Variants in FRYL observed in about 807,000 individuals in gnomAD.
FRYL encodes protein furry homolog-like.
A neutral mutation model predicts 351.2 loss-of-function variants in FRYL; 150 were observed. The ratio of observed to expected loss-of-function variants is 0.43; its 90% CI spans 0.37 to 0.49. FRYL has a LOEUF of 0.49. Ranked by LOEUF, FRYL falls within the 20% of genes least tolerant of loss-of-function variation. The pLI is 0.00. For synonymous variants in FRYL, 1,153 were observed against 1,257.1 expected (o/e 0.92, Z 1.75); for missense variants, 3,036 against 3,619.3 (o/e 0.84, Z 4.13).
chr4:48,655,324 T>C lies in FRYL; in HGVS notation c.-80-20834A>G, dbSNP rs539225536. On this transcript the variant is annotated intron_variant, in intron 3 of 63. Transcript: ENST00000358350. Reference sequence around the variant, plus strand: ...ACCATAATACCACAATACTGTTGTTTGGATACATCGCGATTAGAGACATCT... The same window carrying C: ...ACCATAATACCACAATACTGTTGTTCGGATACATCGCGATTAGAGACATCT... Among the ~76,000 whole-genome samples the C allele has an allele frequency of 2.6e-5, 4 of 152,240 alleles. No homozygotes were observed. In the South Asian group the frequency reaches 8.3e-4, roughly 32 times the overall value.
chr4:48,759,232 A>G (rs1379689794), intron 1 of FRYL, among the ~76,000 whole-genome samples: 1 of 152,194 alleles, frequency 6.6e-6, no homozygotes, highest in Non-Finnish European at 1.5e-5. Context: ...AAGTATAATA[A>G]TAATAAAAAA....
chr4:48,713,690 C>T (rs965588168), intron 1 of FRYL, among the ~76,000 whole-genome samples: 3 of 152,116 alleles, frequency 2.0e-5, no homozygotes, highest in African/African-American at 7.2e-5. Context: ...TAACACCCCA[C>T]TGTCAACATT....
At chr4:48,674,494 T>C (rs752976369) in intron 3 of FRYL, among the ~76,000 whole-genome samples, 3 of 151,870 alleles carry the variant, frequency 2.0e-5, no homozygotes, top group African/African-American at 2.4e-5. Flanking sequence ...AATTGCAACA[T>C]AGGGAGGCCA....
At chr4:48,710,815 G>T (rs1474072) in intron 1 of FRYL, 117 bp from the exon 2 acceptor site, 381,391 of 383,538 alleles carry the variant, frequency 0.99, 189,659 homozygotes, top group East Asian at 1. Context: ...CCTCAAAGGT[G>T]AAACATCATC....
chr4:48,718,689 T>C (rs1365202405), intron 1 of FRYL, among the ~76,000 whole-genome samples: 1 of 151,522 alleles, frequency 6.6e-6, no homozygotes, highest in Non-Finnish European at 1.5e-5. Context: ...GGTTGCCCAA[T>C]GTCAACCCTT....
intron 23 of FRYL, among the ~76,000 whole-genome samples, chr4:48,576,545 A>G (rs1739653262): frequency 6.6e-6 from 1 of 152,122 alleles, no homozygotes; most frequent in Admixed American, 6.6e-5. Context: ...AGCTCAGATG[A>G]TCTACCTGCC....
intron 3 of FRYL, among the ~76,000 whole-genome samples, chr4:48,658,391 G>C (rs1759693433): frequency 6.6e-6 from 1 of 151,910 alleles, no homozygotes; most frequent in African/African-American, 2.4e-5. Flanking sequence ...AGCCCCCACA[G>C]ATTTCAGCTT....
At chr4:48,763,910 T>C (rs1390791467) in intron 1 of FRYL, among the ~76,000 whole-genome samples, 1 of 152,198 alleles carries the variant, frequency 6.6e-6, no homozygotes, top group Non-Finnish European at 1.5e-5. Flanking sequence ...GGCTCACATC[T>C]GTAATCCCAG....
At chr4:48,711,181 T>C (rs1405598324) in intron 1 of FRYL, among the ~76,000 whole-genome samples, 3 of 152,130 alleles carry the variant, frequency 2.0e-5, no homozygotes, top group African/African-American at 4.8e-5. Context: ...AGGTACTGGG[T>C]TCATCTCACT....
At chr4:48,673,421 G>C (rs80227248) in intron 3 of FRYL, among the ~76,000 whole-genome samples, 2,462 of 152,064 alleles carry the variant, frequency 0.016, 21 homozygotes, top group Non-Finnish European at 0.022. Context: ...ATGCTGCCCA[G>C]GCTGGAATGC....
intron 36 of FRYL, among the ~76,000 whole-genome samples, chr4:48,552,654 A>G (rs552410721): frequency 2.0e-5 from 3 of 152,326 alleles, no homozygotes; most frequent in Admixed American, 2.0e-4. Flanking sequence ...AAACTTTAGA[A>G]TTAAAAACAT....
At chr4:48,740,504 A>G (rs1208586764) in intron 1 of FRYL, among the ~76,000 whole-genome samples, 1 of 152,022 alleles carries the variant, frequency 6.6e-6, no homozygotes, top group Admixed American at 6.6e-5. Context: ...CATGTTAGCC[A>G]GGCTGGTCTC....
chr4:48,616,220 T>TA (rs771644187), intron 7 of FRYL, among the ~76,000 whole-genome samples: 3,207 of 139,372 alleles, frequency 0.023, 109 homozygotes, highest in African/African-American at 0.077. Flanking sequence ...AGTATAATAA[T>TA]AAAAAAAAAA....
chr4:48,576,351 G>C (rs1449270112), intron 23 of FRYL, 129 bp from the exon 24 acceptor site: 1 of 662,948 alleles, frequency 1.5e-6, no homozygotes, highest in African/African-American at 1.9e-5. Context: ...ACCCAGGCCG[G>C]AGTGCAACTG....
chr4:48,678,982 G>A (rs1560847697), intron 3 of FRYL, among the ~76,000 whole-genome samples: 1 of 151,926 alleles, frequency 6.6e-6, no homozygotes, highest in Non-Finnish European at 1.5e-5. Flanking sequence ...TAAAAGTAAG[G>A]AGCCATATAA....
Position 48,567,553 on chromosome 4 carries a change from G to A in FRYL, c.2997-133C>T, listed in dbSNP as rs1392662422. On this transcript the variant is annotated intron_variant, in intron 27 of 63. Coordinates refer to ENST00000358350, the MANE Select transcript of FRYL (RefSeq NM_015030.2). The surrounding 1 kb of genome is among the most constrained non-coding windows in gnomAD (Gnocchi z 4.2). ...CATGGCAGCACGCAACTTAATATAT[G>A]AAAATTAAATGAATATGATTTTGCT... 1 of 594,164 alleles carries A rather than the reference G, an allele frequency of 1.7e-6. No individual in the cohort carries two copies. The highest frequency in any genetic ancestry group is 1.9e-5 in the African/African-American group (1 of 52,030). 36.8% of individuals were successfully genotyped at this position (594,164 alleles called of 1,614,324 possible).
chr4:48,586,288 A>C (rs1456453344), intron 19 of FRYL, among the ~76,000 whole-genome samples: 1 of 152,160 alleles, frequency 6.6e-6, no homozygotes, highest in Non-Finnish European at 1.5e-5. Context: ...TTAATTGCCT[A>C]ACTGGGAATT....
Position 48,691,009 on chromosome 4 carries a change from C to G in FRYL, c.-203-6214G>C, listed in dbSNP as rs542228456. Among the ~76,000 whole-genome samples, 44 of 152,292 alleles carry G rather than the reference C, an allele frequency of 2.9e-4. 1 individual carries two copies. In the South Asian group the frequency reaches 8.9e-3, roughly 31 times the overall value. ...TCTTTTTCTCTGTGTTCACTGCCTC[C>G]AGCAAGCTTAGAGAAGCCTGACTTC... On this transcript the variant is annotated intron_variant, in intron 2 of 63. Coordinates refer to ENST00000358350, the MANE Select transcript of FRYL (RefSeq NM_015030.2).
intron 1 of FRYL, among the ~76,000 whole-genome samples, chr4:48,737,179 C>A (rs934250878): frequency 6.6e-6 from 1 of 150,786 alleles, no homozygotes; most frequent in Non-Finnish European, 1.5e-5. Flanking sequence ...ATCGTTTGAA[C>A]CCTGGAGGCG....
Sources: allele counts gnomAD v4.1 joint callset (sites outside exome capture counted in the v4.1 genomes callset), GRCh38; gene constraint gnomAD v4.1.1; non-coding constraint Gnocchi (gnomAD v3.1); transcripts MANE v1.5; gene names NCBI Gene and HGNC (gene_info 2026-07-23, HGNC 2026-07-21).